Variants in PTPRT observed in about 807,000 individuals in gnomAD.
PTPRT encodes the protein protein tyrosine phosphatase receptor type T.
In PTPRT, 56 loss-of-function variants were observed where a neutral mutation model predicts 176.8. The ratio of observed to expected loss-of-function variants is 0.32; its 90% CI spans 0.26 to 0.40. PTPRT has a LOEUF of 0.40. PTPRT is among the 10% of genes least tolerant of loss of function. PTPRT has a pLI of 1.00. For missense variants in PTPRT, 1,540 were observed against 1,908.2 expected, an observed-to-expected ratio of 0.81 and a Z score of 3.60; for synonymous variants, 783 against 739.0, an observed-to-expected ratio of 1.06 and a Z score of -0.96.
At chr20:42,288,828 C>G (rs1224834070) in intron 12 of PTPRT, among the ~76,000 whole-genome samples, 1 of 151,942 alleles carries the variant, frequency 6.6e-6, no homozygotes, top group Non-Finnish European at 1.5e-5. Flanking sequence ...GATAGACATA[C>G]AAGTGCATGT....
chr20:42,318,627 T>G (rs2057754815), intron 11 of PTPRT, among the ~76,000 whole-genome samples: 1 of 152,118 alleles, frequency 6.6e-6, no homozygotes, highest in Non-Finnish European at 1.5e-5. Flanking sequence ...CTTCAGCAGA[T>G]TAGAAGGAAC....
At chr20:43,063,185 A>G (rs1303817121) in intron 1 of PTPRT, 1 of 152,256 alleles carries the variant, frequency 6.6e-6, no homozygotes, top group Admixed American at 6.5e-5. Context: ...CGTATGTGAA[A>G]ATGAATGAAA....
intron 1 of PTPRT, among the ~76,000 whole-genome samples, chr20:43,134,106 T>C (rs1455085796): frequency 6.6e-6 from 1 of 152,196 alleles, no homozygotes; most frequent in Non-Finnish European, 1.5e-5. Flanking sequence ...CATAAAGATA[T>C]AGTCAGCCAA....
chr20:42,044,254 T>C, the PTPRT span, among the ~76,000 whole-genome samples: 753 of 152,330 alleles, frequency 4.9e-3, 10 homozygotes, highest in Non-Finnish European at 8.0e-3. Flanking sequence ...GTTGAGAAAA[T>C]GCCAGCCACG....
In PTPRT at chr20:42,622,842, C is replaced by T. The variant is rs141896489; in HGVS notation, c.1153+55024G>A. Among the ~76,000 whole-genome samples the T allele has an allele frequency of 1.7e-3, 252 of 152,264 alleles. 1 individual carries two copies. The highest frequency in any genetic ancestry group is 5.6e-3 in the African/African-American group (233 of 41,558). On this transcript the variant is annotated intron_variant, in intron 7 of 30. Transcript: ENST00000373187. The stretch of plus-strand genomic sequence containing the variant: ...ATACTGGTTTGAAGAAGGCAGTTCC[C>T]GGGCAAAGGCCCCCCACCTTCAAGC...
intron 17 of PTPRT, among the ~76,000 whole-genome samples, chr20:42,148,830 G>A (rs1010862622): frequency 5.9e-5 from 9 of 152,338 alleles, no homozygotes; most frequent in African/African-American, 1.7e-4. Flanking sequence ...GTTAATATGA[G>A]CGGCCTGATT....
chr20:42,861,682 TAAAACAAAAC>T lies in PTPRT; in HGVS notation c.214+24115_214+24124del, dbSNP rs534140121. 6.0e-4 allele frequency among the ~76,000 whole-genome samples: 91 copies of T among 151,520 alleles called. No individual in the cohort carries two copies. The South Asian group carries it at 8.1e-3, about 14-fold the overall frequency. ...ATAAGGACTAGAAAGAGTGTCTGGA[TAAAACAAAAC>T]AAAACAAAACAAAACAAAAAACAGG... On this transcript the variant is annotated intron_variant, in intron 2 of 30. Transcript: ENST00000373187.
chr20:43,068,193 G>C lies in PTPRT; in HGVS notation c.88+121453C>G, dbSNP rs368481186. On this transcript the variant is annotated intron_variant, in intron 1 of 30. Transcript: ENST00000373187. The stretch of plus-strand genomic sequence containing the variant: ...GGAGGGAAGGAAGGAGAGGAGGAGA[G>C]GGGGAGATTGATTTTTAAAACGAAT... Among the ~76,000 whole-genome samples the C allele has an allele frequency of 2.1e-5, 3 of 143,836 alleles. 1 individual carries two copies. Among genetic ancestry groups the C allele is most frequent in the African/African-American group, 7.8e-5 (3 of 38,482 alleles). 94.4% of individuals were successfully genotyped at this position (143,836 alleles called of 152,430 possible).
chr20:42,791,369 G>C lies in PTPRT; in HGVS notation c.312C>G (p.Asp104Glu), dbSNP rs747441775. ...CACGGCTGGAGAAGTAGTAATGGAA[G>C]TCGATGCAGTGGGTGTCATTCTCCT... ...TLKENDTHCI[D>E]FHYYFSSRDR... Residue 104 changes from aspartate (D) to glutamate (E), a missense_variant, in exon 3 of 31, where the codon GAC becomes GAG. Physicochemically the swap from Asp to Glu is conservative, Grantham distance 45. Around this residue, in one of 11 missense-constraint regions of PTPRT, gnomAD observed 273 missense variants for 432.1 expected, o/e 0.63. Coordinates refer to ENST00000373187, the MANE Select transcript of PTPRT (RefSeq NM_007050.6). The C allele has an allele frequency of 1.2e-6, 2 of 1,614,264 alleles. No individual in the cohort carries two copies. The highest frequency in any genetic ancestry group is 1.7e-6 in the Non-Finnish European group (2 of 1,180,046).
intron 2 of PTPRT, among the ~76,000 whole-genome samples, chr20:42,883,989 G>A (rs907931356): frequency 2.7e-5 from 3 of 112,520 alleles, no homozygotes; most frequent in Non-Finnish European, 3.8e-5. Context: ...ATACACACAC[G>A]TATACACACT....
intron 12 of PTPRT, among the ~76,000 whole-genome samples, chr20:42,288,587 G>A (rs956037918): frequency 6.6e-6 from 1 of 151,924 alleles, no homozygotes; most frequent in African/African-American, 2.4e-5. Context: ...CCAATGTTTA[G>A]CTCTCACTTA....
chr20:42,305,003 C>A (rs907639144), intron 12 of PTPRT, among the ~76,000 whole-genome samples: 11 of 152,266 alleles, frequency 7.2e-5, no homozygotes, highest in South Asian at 6.2e-4. Flanking sequence ...TATACTAGGC[C>A]TCTGGTGCAA....
Position 42,222,389 on chromosome 20 carries a change from G to C in PTPRT, c.2342+13840C>G, listed in dbSNP as rs1042667754. Among the ~76,000 whole-genome samples, 9 of 152,316 alleles carry C rather than the reference G, an allele frequency of 5.9e-5. No individual in the cohort carries two copies. The East Asian group carries it at 1.5e-3, about 26-fold the overall frequency. The stretch of plus-strand genomic sequence containing the variant: ...CTGGTTTATAACTCCCATATTCCTT[G>C]TTACAGTCTTTTGCTATAATGTTGG... On this transcript the variant is annotated intron_variant, in intron 15 of 30. Coordinates refer to ENST00000373187, the MANE Select transcript of PTPRT (RefSeq NM_007050.6).
At chr20:42,773,312 C>A (rs369632397) in intron 4 of PTPRT, among the ~76,000 whole-genome samples, 4 of 152,132 alleles carry the variant, frequency 2.6e-5, no homozygotes, top group Non-Finnish European at 5.9e-5. Flanking sequence ...CACTGGGCAG[C>A]GTGGAATTGG....
intron 19 of PTPRT, among the ~76,000 whole-genome samples, chr20:42,124,726 G>C (rs923376935): frequency 1.3e-4 from 20 of 152,184 alleles, no homozygotes; most frequent in African/African-American, 3.6e-4. Flanking sequence ...TCCCTATAGA[G>C]ACCCCAGGAA....
At chr20:42,916,825 A>T (rs1234946046) in intron 1 of PTPRT, among the ~76,000 whole-genome samples, 1 of 151,750 alleles carries the variant, frequency 6.6e-6, no homozygotes, top group Non-Finnish European at 1.5e-5. Flanking sequence ...TTTTTCTTGT[A>T]AATTTGTTTG....
intron 7 of PTPRT, among the ~76,000 whole-genome samples, chr20:42,502,298 C>A (rs1295243631): frequency 6.6e-6 from 1 of 151,554 alleles, no homozygotes; most frequent in East Asian, 1.9e-4. Context: ...AGAAACAGAA[C>A]AATATCAATA....
At chr20:42,171,756 C>T (rs1009918661) in intron 16 of PTPRT, among the ~76,000 whole-genome samples, 7 of 152,080 alleles carry the variant, frequency 4.6e-5, no homozygotes, top group African/African-American at 1.7e-4. Flanking sequence ...GATAGAAGCA[C>T]CTGCCAACAT....
At chr20:42,330,943 C>T (rs2057956802) in intron 11 of PTPRT, among the ~76,000 whole-genome samples, 1 of 152,142 alleles carries the variant, frequency 6.6e-6, no homozygotes, top group Admixed American at 6.5e-5. Flanking sequence ...TTAAGAGGTC[C>T]CAACTTATTT....
Sources: gnomAD v4.1 joint callset for allele counts (sites outside exome capture counted in the v4.1 genomes callset) on GRCh38, gnomAD v4.1.1 for gene constraint, gnomAD v4.1.1 regional missense constraint, MANE v1.5 for transcripts, NCBI Gene and HGNC (gene_info 2026-07-23, HGNC 2026-07-21) for gene names.